Variants in TANGO6 observed in about 807,000 individuals in gnomAD.
TANGO6 encodes the protein transport and golgi organization 6 homolog, also known as transport and Golgi organization protein 6 homolog.
Under a neutral mutation model 114.2 loss-of-function variants are expected in TANGO6, and 90 were observed. That is an observed-to-expected ratio of 0.79 (90% CI 0.66 to 0.94). The LOEUF (loss-of-function observed/expected upper bound fraction) is 0.94, where lower values mean the gene tolerates loss of function less well. Ranked by LOEUF, TANGO6 falls within the 40% of genes least tolerant of loss-of-function variation. TANGO6 has a pLI of 0.00. For synonymous variants in TANGO6, 477 were observed against 509.8 expected (o/e 0.94, Z 0.87); for missense variants, 1,274 against 1,315.3 (o/e 0.97, Z 0.49).
At chr16:68,867,451 G>C (rs1301590005) in intron 4 of TANGO6, 2 of 473,106 alleles carry the variant, frequency 4.2e-6, no homozygotes, top group African/African-American at 3.9e-5. Context: ...CTATTTTATT[G>C]AACAATATTG....
chr16:69,032,933 C>G (rs1390717103), intron 16 of TANGO6, among the ~76,000 whole-genome samples: 1 of 149,468 alleles, frequency 6.7e-6, no homozygotes, highest in African/African-American at 2.5e-5. Flanking sequence ...TGCCTGTAAT[C>G]TCACCACTTT....
chr16:69,009,280 C>T (rs1964124467), intron 15 of TANGO6, among the ~76,000 whole-genome samples: 1 of 151,780 alleles, frequency 6.6e-6, no homozygotes, highest in African/African-American at 2.4e-5. Context: ...GGGGTTTCTC[C>T]ATGTTGATAA....
intron 1 of TANGO6, among the ~76,000 whole-genome samples, chr16:68,848,998 T>C (rs1325575769): frequency 6.6e-6 from 1 of 152,076 alleles, no homozygotes; most frequent in East Asian, 1.9e-4. Context: ...TAAGGAGAAG[T>C]GGTATTTAGC....
At chr16:68,845,860 G>T (rs943821485) in intron 1 of TANGO6, among the ~76,000 whole-genome samples, 43 of 146,580 alleles carry the variant, frequency 2.9e-4, no homozygotes, top group African/African-American at 9.8e-4. Flanking sequence ...TTTGTTTTTT[G>T]TTTTTTTTTT....
chr16:68,856,880 T>C (rs920862009), intron 1 of TANGO6, among the ~76,000 whole-genome samples: 10 of 152,050 alleles, frequency 6.6e-5, no homozygotes, highest in East Asian at 1.9e-4. Context: ...GAGGCTAAGG[T>C]GGGCGGATCA....
chr16:69,063,800 T>TTCTTCTTCTTCC (rs1960169491), intron 17 of TANGO6, among the ~76,000 whole-genome samples: 1 of 124,628 alleles, frequency 8.0e-6, no homozygotes, highest in African/African-American at 3.6e-5. Flanking sequence ...CTTCTTCTTC[T>TTCTTCTTCTTCC]TCTTCTTCTT....
intron 14 of TANGO6, among the ~76,000 whole-genome samples, chr16:68,968,376 T>G (rs1963666294): frequency 6.6e-6 from 1 of 151,870 alleles, no homozygotes; most frequent in South Asian, 2.1e-4. Flanking sequence ...TTTTTTTTTT[T>G]TGGTGAGATG....
intron 15 of TANGO6, among the ~76,000 whole-genome samples, chr16:68,978,029 G>A (rs917965661): frequency 2.0e-5 from 3 of 152,066 alleles, no homozygotes; most frequent in Non-Finnish European, 4.4e-5. Flanking sequence ...GAAGAAAGAT[G>A]AACTTTCTAT....
intron 17 of TANGO6, among the ~76,000 whole-genome samples, chr16:69,062,786 TTAAAA>T (rs1215999370): frequency 2.9e-5 from 3 of 104,166 alleles, no homozygotes; most frequent in African/African-American, 9.9e-5. Context: ...AAAAAGAAAT[TTAAAA>T]AAAAAAAAAA....
intron 14 of TANGO6, chr16:68,937,542 C>T (rs1253734813): frequency 6.6e-6 from 1 of 152,136 alleles, no homozygotes; most frequent in African/African-American, 2.4e-5. Context: ...AGTCACTTCC[C>T]CTTGCTCACT....
chr16:69,063,104 T>C (rs183153702), intron 17 of TANGO6, among the ~76,000 whole-genome samples: 189 of 151,488 alleles, frequency 1.2e-3, no homozygotes, highest in African/African-American at 4.3e-3. Flanking sequence ...GGTGCGTGCC[T>C]GTAGTCCCAG....
chr16:68,913,925 T>A (rs1962963736), intron 11 of TANGO6, among the ~76,000 whole-genome samples: 1 of 151,962 alleles, frequency 6.6e-6, no homozygotes, highest in African/African-American at 2.4e-5. Flanking sequence ...AGACTGGAGG[T>A]TTACTCTTAA....
chr16:69,046,462 G>A (rs1209232634), intron 17 of TANGO6, among the ~76,000 whole-genome samples: 1 of 151,996 alleles, frequency 6.6e-6, no homozygotes, highest in Admixed American at 6.6e-5. Flanking sequence ...GGGATTACAG[G>A]TATGTGCCAC....
chr16:68,878,000 A>G (rs1308611137), intron 5 of TANGO6, 118 bp from the exon 6 acceptor site: 2 of 759,128 alleles, frequency 2.6e-6, no homozygotes, highest in Non-Finnish European at 4.0e-6. Flanking sequence ...ATTCTGTTGA[A>G]TCAGTGTTAT....
At chr16:69,079,828 C>T (rs991762516) in intron 17 of TANGO6, among the ~76,000 whole-genome samples, 3 of 152,174 alleles carry the variant, frequency 2.0e-5, no homozygotes, top group Non-Finnish European at 2.9e-5. Context: ...CCATATCTAT[C>T]AAAATTGTAA....
Position 68,902,330 on chromosome 16 carries a change from C to G in TANGO6, c.1493C>G (p.Ser498Ter). The change falls in exon 9 of 18, where the codon TCA becomes TGA. Residue 498 changes from serine to a stop codon, truncating the protein, a stop_gained and splice_region_variant. Transcript: ENST00000261778. LOFTEE classifies it high-confidence loss of function. ...FTKQSVSHIRSLCQEILLWIL... is the reference protein window; with the variant it reads ...FTKQSVSHIR ...TTCATAACTGCTTTTTCTGCCAGGTCACTTTGCCAAGAAATCTTATTATGG... is the reference window on the plus strand; with the variant it reads ...TTCATAACTGCTTTTTCTGCCAGGTGACTTTGCCAAGAAATCTTATTATGG... The G allele has an allele frequency of 6.2e-7, 1 of 1,607,362 alleles. No individual in the cohort carries two copies. Among genetic ancestry groups the G allele is most frequent in the Non-Finnish European group, 8.5e-7 (1 of 1,177,412 alleles).
chr16:68,891,829 G>A (rs531464157), intron 7 of TANGO6, among the ~76,000 whole-genome samples: 48 of 149,318 alleles, frequency 3.2e-4, no homozygotes, highest in African/African-American at 1.2e-3. Flanking sequence ...GAGGGGAGGA[G>A]GGAGGGAAAG....
At chr16:68,929,641 C>A (rs1294503644) in intron 13 of TANGO6, among the ~76,000 whole-genome samples, 1 of 152,176 alleles carries the variant, frequency 6.6e-6, no homozygotes, top group African/African-American at 2.4e-5. Context: ...GTAATATCTT[C>A]CAGATAAGCT....
chr16:68,924,647 G>A (rs1170303893), intron 12 of TANGO6, among the ~76,000 whole-genome samples: 1 of 151,640 alleles, frequency 6.6e-6, no homozygotes, highest in African/African-American at 2.4e-5. Context: ...AAAATTAGCC[G>A]GGTATGGTGG....
Sources: gnomAD v4.1 joint callset for allele counts (sites outside exome capture counted in the v4.1 genomes callset) on GRCh38, gnomAD v4.1.1 for gene constraint, MANE v1.5 for transcripts, NCBI Gene and HGNC (gene_info 2026-07-23, HGNC 2026-07-21) for gene names.